The following TOM1L1 variants were observed in gnomAD, a reference collection of about 807,000 sequenced individuals.
The protein encoded by TOM1L1 is TOM1-like protein 1.
A neutral mutation model predicts 63.4 loss-of-function variants in TOM1L1; 64 were observed. The ratio of observed to expected loss-of-function variants is 1.01; its 90% confidence interval spans 0.83 to 1.24. The LOEUF (loss-of-function observed/expected upper bound fraction) is 1.24. Ranked by LOEUF, TOM1L1 falls within the 50% of genes most tolerant of loss-of-function variation. TOM1L1 has a pLI of 0.00. For synonymous variants in TOM1L1, 166 were observed against 194.4 expected, an observed-to-expected ratio of 0.85 and a Z score of 1.22; for missense variants, 536 against 567.0, an observed-to-expected ratio of 0.95 and a Z score of 0.55.
intron 14 of TOM1L1, among the ~76,000 whole-genome samples, chr17:54,951,069 G>A (rs915942432): frequency 7.2e-5 from 11 of 152,252 alleles, no homozygotes; most frequent in Non-Finnish European, 1.5e-4. Context: ...TACCTTCCCA[G>A]ACACCAGTCA....
chr17:54,934,364 C>T lies in TOM1L1; in HGVS notation c.855-2285C>T, dbSNP rs180691229. Among the ~76,000 whole-genome samples the T allele has an allele frequency of 3.3e-5, 5 of 152,244 alleles. No homozygotes were observed. The East Asian group carries it at 9.6e-4, about 29-fold the overall frequency. On this transcript the variant is annotated intron_variant, in intron 8 of 15. Coordinates refer to ENST00000575882, the MANE Select transcript of TOM1L1 (RefSeq NM_005486.3). ...TTTTGGGGTCCTGAGATTTATTTTC[C>T]TTTAACACTAGCAAACTTCATTCTT...
chr17:54,936,513 G>A, intron 8 of TOM1L1, 136 bp from the exon 9 acceptor site: 1 of 715,872 alleles, frequency 1.4e-6, no homozygotes, highest in Non-Finnish European at 2.3e-6. Flanking sequence ...GTTATTAAAA[G>A]TATTTTACTG....
chr17:54,916,825 G>A (rs1009964383), intron 7 of TOM1L1: 2 of 152,136 alleles, frequency 1.3e-5, no homozygotes. Flanking sequence ...GTACACCCAT[G>A]TTGGTAAACT....
intron 4 of TOM1L1, 89 bp downstream of exon 4, chr17:54,912,904 T>A: frequency 8.3e-7 from 1 of 1,208,246 alleles, no homozygotes; most frequent in Non-Finnish European, 1.1e-6. Context: ...TTATCTTTTA[T>A]ATATCTAGGA....
chr17:54,917,059 TTTTCTACGTTAATA>T (rs1274339545), intron 7 of TOM1L1: 1 of 152,218 alleles, frequency 6.6e-6, no homozygotes, highest in Non-Finnish European at 1.5e-5. Context: ...CATTTGTTAT[TTTTCTACGTTAATA>T]TTTCAGAAAT....
intron 13 of TOM1L1, 108 bp from the exon 14 acceptor site, chr17:54,949,935 TTG>T: frequency 1.2e-6 from 1 of 860,020 alleles, no homozygotes; most frequent in East Asian, 2.6e-5. Flanking sequence ...TCTGTTTTGG[TTG>T]TGTTTATTAG....
At chr17:54,937,519 G>A (rs1056313681) in intron 10 of TOM1L1, 1 of 359,868 alleles carries the variant, frequency 2.8e-6, no homozygotes, top group African/African-American at 2.1e-5. Flanking sequence ...AATACTTAAA[G>A]TCTACTGTGA....
chr17:54,904,910 A>G (rs1251878466), intron 2 of TOM1L1, among the ~76,000 whole-genome samples: 2 of 152,220 alleles, frequency 1.3e-5, no homozygotes, highest in East Asian at 1.9e-4. Context: ...TTTTTTTCCT[A>G]TAATCCTATT....
chr17:54,904,028 T>C (rs988642784), intron 2 of TOM1L1, among the ~76,000 whole-genome samples: 2 of 152,172 alleles, frequency 1.3e-5, no homozygotes, highest in Non-Finnish European at 2.9e-5. Context: ...GTTTCTTTAA[T>C]AGTTTCAAAT....
chr17:54,958,748 A>AAAAAAAAAAAAAAGG (rs372776781), intron 14 of TOM1L1, among the ~76,000 whole-genome samples: 1 of 118,928 alleles, frequency 8.4e-6, no homozygotes. Flanking sequence ...AAAAAAAAAA[A>AAAAAAAAAAAAAAGG]GGGGTTGTTG....
In TOM1L1 at chr17:54,928,180, A is replaced by G. The variant is rs565793026; in HGVS notation, c.721-1893A>G. 2.6e-5 allele frequency among the ~76,000 whole-genome samples: 4 copies of G among 152,270 alleles called. No individual in the cohort carries two copies. In the South Asian group the frequency reaches 8.3e-4, roughly 32 times the overall value. ...AAGATTGGATCCTGGATAATAGCAT[A>G]TTACAGGATTGTATTCGTTATCTAG... On this transcript the variant is annotated intron_variant, in intron 7 of 15. Transcript: ENST00000575882.
chr17:54,936,600 A>G, intron 8 of TOM1L1, 49 bp from the exon 9 acceptor site: 1 of 1,471,084 alleles, frequency 6.8e-7, no homozygotes. Flanking sequence ...TTTTTATAGC[A>G]TTTTCATATA....
Position 54,910,356 on chromosome 17 carries a change from C to T in TOM1L1, c.223-2310C>T, listed in dbSNP as rs1448367444. ...CTGTAATCTCAGCTACTTGGGAAGC[C>T]GAGGCATGAGAATCACCTGAACCGG... On this transcript the variant is annotated intron_variant, in intron 3 of 15. Transcript: ENST00000575882. 3.9e-5 allele frequency among the ~76,000 whole-genome samples: 6 copies of T among 151,988 alleles called. No homozygotes were observed. In the East Asian group the frequency reaches 5.8e-4, roughly 15 times the overall value.
rs748506597 is a variant in TOM1L1, at chr17:54,960,618, G to A, written c.1423G>A (p.Gly475Ser). The A allele has an allele frequency of 6.2e-7, 1 of 1,609,776 alleles. No homozygotes were observed. Among genetic ancestry groups the A allele is most frequent in the South Asian group, 1.1e-5 (1 of 90,916 alleles). Residue 475 changes from glycine to serine, a missense_variant, in exon 15 of 16, where the codon GGT becomes AGT. Transcript: ENST00000575882. ...CCAGCACAAAGGAGCTCAAAATGAT[G>A]GTGACTGAGGTAAAGACTTCAACTT... ...AHQHKGAQND[G>S]D
intron 1 of TOM1L1, among the ~76,000 whole-genome samples, chr17:54,902,015 GACTA>G (rs1010167227): frequency 5.3e-5 from 8 of 152,094 alleles, no homozygotes; most frequent in Admixed American, 6.5e-5. Context: ...TGTAAACATG[GACTA>G]ACTGTCAGCT....
At chr17:54,907,124 A>C (rs1284676572) in intron 3 of TOM1L1, among the ~76,000 whole-genome samples, 1 of 150,542 alleles carries the variant, frequency 6.6e-6, no homozygotes, top group Non-Finnish European at 1.5e-5. Context: ...GGATCTGAAT[A>C]TAGTTTTAGA....
At chr17:54,925,075 T>C (rs75312480) in intron 7 of TOM1L1, among the ~76,000 whole-genome samples, 3,802 of 152,314 alleles carry the variant, frequency 0.025, 157 homozygotes, top group African/African-American at 0.085. Context: ...CTTTCTAGGG[T>C]ATATTAGCAA....
At chr17:54,914,026 T>G (rs1239270228) in intron 5 of TOM1L1, among the ~76,000 whole-genome samples, 153 bp downstream of exon 5, 1 of 152,176 alleles carries the variant, frequency 6.6e-6, no homozygotes. Flanking sequence ...AACCGAGACT[T>G]GGGATTTTGC....
In TOM1L1 at chr17:54,914,665, A is replaced by C; in HGVS notation, c.525A>C (p.Pro175=). Residue 175 remains proline, a synonymous_variant, in exon 6 of 16, where the codon CCA becomes CCC. Transcript: ENST00000575882. The stretch of plus-strand genomic sequence containing the variant: ...CTGCTCAAATCTCATCAAATCCTCC[A>C]ACATCTGTCCCTACTGCACCAGCTC... ...QETAQISSNP[P]TSVPTAPALS... 6.2e-7 allele frequency: 1 copy of C among 1,613,856 alleles called. No individual in the cohort carries two copies. Among genetic ancestry groups the C allele is most frequent in the Non-Finnish European group, 8.5e-7 (1 of 1,179,818 alleles).
Sources: gnomAD v4.1 joint callset for allele counts (sites outside exome capture counted in the v4.1 genomes callset) on GRCh38, gnomAD v4.1.1 for gene constraint, MANE v1.5 for transcripts, NCBI Gene and HGNC (gene_info 2026-07-23, HGNC 2026-07-21) for gene names.